WDR86: variants seen among roughly 807,000 people sequenced by gnomAD.
The protein encoded by WDR86 is WD repeat domain 86.
In WDR86, 30 loss-of-function variants were observed where a neutral mutation model predicts 36.5. The ratio of observed to expected loss-of-function variants is 0.82; its 90% CI spans 0.61 to 1.11. The LOEUF (loss-of-function observed/expected upper bound fraction) is 1.11, where lower values mean the gene tolerates loss of function less well. Among genes scored for constraint, WDR86 ranks in the 50% most tolerant of loss-of-function variants. The pLI is 0.00. For missense variants in WDR86, 545 were observed against 561.2 expected, an observed-to-expected ratio of 0.97 and a Z score of 0.29; for synonymous variants, 255 against 252.9, an observed-to-expected ratio of 1.01 and a Z score of -0.08.
intron 3 of WDR86, among the ~76,000 whole-genome samples, chr7:151,385,661 G>A (rs922288522): frequency 6.6e-6 from 1 of 152,204 alleles, no homozygotes; most frequent in Admixed American, 6.5e-5. Flanking sequence ...CCTGAGCGAG[G>A]GTGTGAGGCA....
chr7:151,397,482 G>A (rs1233806392), intron 2 of WDR86, among the ~76,000 whole-genome samples: 2 of 152,216 alleles, frequency 1.3e-5, no homozygotes, highest in African/African-American at 4.8e-5. Context: ...GGAGCGCAGT[G>A]GCACGATCTC....
downstream of WDR86, chr7:151,374,056 C>T (rs1563030691): frequency 1.8e-5 from 27 of 1,524,076 alleles, no homozygotes; most frequent in Non-Finnish European, 2.2e-5. Context: ...TGTGAAATCT[C>T]AGTCCCTAAC....
Position 151,409,243 on chromosome 7 carries a change from A to ACCCAG in WDR86, c.163+183_163+184insCTGGG. 2.8e-6 allele frequency: 3 copies of ACCCAG among 1,064,878 alleles called. No homozygotes were observed. Among genetic ancestry groups the ACCCAG allele is most frequent in the Non-Finnish European group, 2.7e-6 (2 of 734,876 alleles). 66.0% of individuals were successfully genotyped at this position (1,064,878 alleles called of 1,614,324 possible). On this transcript the variant is annotated intron_variant, in intron 1 of 5. Transcript: ENST00000334493. This position sits in a 1 kb window ranked among gnomAD's most constrained non-coding sequence, Gnocchi z 5.2. ...CACCCGCACCCCACCCCCAGACCTC[A>ACCCAG]CCCTGCCCTGCCGTGCGCTCAACAG...
downstream of WDR86, among the ~76,000 whole-genome samples, chr7:151,372,019 A>C (rs959893440): frequency 3.3e-5 from 5 of 152,188 alleles, no homozygotes; most frequent in African/African-American, 1.2e-4. Context: ...TTAATACATA[A>C]TTATTAAAAG....
chr7:151,402,423 C>T (rs927584342), intron 1 of WDR86, among the ~76,000 whole-genome samples: 9 of 152,266 alleles, frequency 5.9e-5, no homozygotes, highest in Non-Finnish European at 1.0e-4. Context: ...TGAAACACAG[C>T]CTTGCCCTCC....
downstream of WDR86, chr7:151,377,191 T>C (rs979891530): frequency 1.9e-6 from 3 of 1,568,004 alleles, no homozygotes; most frequent in African/African-American, 1.4e-5. Context: ...CTATCCTATG[T>C]AGAAAATAGG....
rs1394060017 is a variant in WDR86 at position 151,390,932 on chromosome 7, G to A, written c.726+4844C>T. ...TTAATGGGGACAGAGTTCTGATTTG[G>A]GCTGATGGAAAAGTCTGGAAATCAT... On this transcript the variant is annotated intron_variant, in intron 3 of 5. Transcript: ENST00000334493. The surrounding 1 kb of genome is among the most constrained non-coding windows in gnomAD (Gnocchi z 4.5). Among the ~76,000 whole-genome samples, 3 of 152,238 alleles carry A rather than the reference G, an allele frequency of 2.0e-5. No homozygotes were observed. The South Asian group carries it at 6.2e-4, about 31-fold the overall frequency.
In WDR86 at chr7:151,381,192, C is replaced by A; in HGVS notation, c.*390G>T. On this transcript the variant is annotated 3_prime_UTR_variant, in exon 6 of 6. Coordinates refer to ENST00000334493, the MANE Select transcript of WDR86 (RefSeq NM_198285.3). This position sits in a 1 kb window ranked among gnomAD's most constrained non-coding sequence, Gnocchi z 4.8. ...CGAGACGGACGATTTGCCAAAATAA[C>A]CAGGTTCAGTGGCTTCTGTAAAAAG... The A allele has an allele frequency of 8.0e-7, 1 of 1,253,636 alleles. No individual in the cohort carries two copies. The allele number at this position is 1,253,636 out of a possible 1,614,324, so 77.7% of individuals were successfully genotyped here. A position where few individuals can be genotyped will look rare whatever the true frequency, so the allele number is the denominator to read the frequency against.
In WDR86 at chr7:151,381,460, GC is replaced by G. The variant is rs1313948605; in HGVS notation, c.*121del. On this transcript the variant is annotated 3_prime_UTR_variant, in exon 6 of 6. Transcript: ENST00000334493. This position sits in a 1 kb window ranked among gnomAD's most constrained non-coding sequence, Gnocchi z 4.8. Reference sequence around the variant, plus strand: ...GACGCCTGCGACGGGCTCTCCTCCCGCCCGGGCTTCCTCGCTCCTCGCCCCT... The same window carrying G: ...GACGCCTGCGACGGGCTCTCCTCCCGCCGGGCTTCCTCGCTCCTCGCCCCT... 6.7e-7 allele frequency: 1 copy of G among 1,489,246 alleles called. No individual in the cohort carries two copies. The highest frequency in any genetic ancestry group is 2.3e-5 in the Admixed American group (1 of 44,202). 92.3% of individuals were successfully genotyped at this position (1,489,246 alleles called of 1,614,324 possible).
chr7:151,408,002 T>C lies in WDR86; in HGVS notation c.163+1425A>G, dbSNP rs527806610. Among the ~76,000 whole-genome samples the C allele has an allele frequency of 5.3e-5, 8 of 152,098 alleles. No homozygotes were observed. In the South Asian group the frequency reaches 1.2e-3, roughly 24 times the overall value. On this transcript the variant is annotated intron_variant, in intron 1 of 5. Coordinates refer to ENST00000334493, the MANE Select transcript of WDR86 (RefSeq NM_198285.3). Reference sequence around the variant, plus strand: ...GGAGCAATACCAACTGGACTTAACATTTCTAAAAGACCTCATATTTTCCAT... The same window carrying C: ...GGAGCAATACCAACTGGACTTAACACTTCTAAAAGACCTCATATTTTCCAT...
At chr7:151,370,504 TTTA>T in the WDR86 span, among the ~76,000 whole-genome samples, 6 of 152,236 alleles carry the variant, frequency 3.9e-5, 1 homozygote, top group Middle Eastern at 3.4e-3. Flanking sequence ...CCAGTAAGAA[TTTA>T]TTATTTTTAT....
downstream of WDR86, chr7:151,376,746 C>T (rs570959192): frequency 1.1e-5 from 18 of 1,598,942 alleles, no homozygotes; most frequent in Non-Finnish European, 1.5e-5. Context: ...AGCCTGCCTC[C>T]CGAGCTGCCG....
At chr7:151,393,568 C>G (rs934306806) in intron 3 of WDR86, among the ~76,000 whole-genome samples, 1 of 152,186 alleles carries the variant, frequency 6.6e-6, no homozygotes, top group African/African-American at 2.4e-5. Flanking sequence ...GCTGGTTCCT[C>G]TTTCACTGGT....
Position 151,385,095 on chromosome 7 carries a change from C to T in WDR86, c.855G>A (p.Ala285=), listed in dbSNP as rs202101613. The stretch of plus-strand genomic sequence containing the variant: ...CAGGGCCAAGTCACTTACAGGTGCC[C>T]GCGTGGTACTTGAGGGCGCTCACGT... ...RRNVSALKYH[A]GTLFTGSGDA... is the part of the protein sequence containing the mutation. The change falls in exon 4 of 6, where the codon GCG becomes GCA. Residue 285 remains alanine, a synonymous_variant. Transcript: ENST00000334493. 1.8e-5 allele frequency: 29 copies of T among 1,602,180 alleles called. 1 individual carries two copies. Among genetic ancestry groups the T allele is most frequent in the Middle Eastern group, 2.1e-4 (1 of 4,784 alleles).
At chr7:151,377,147 T>A, downstream of WDR86, 1 of 1,590,010 alleles carries the variant, frequency 6.3e-7, no homozygotes, top group Non-Finnish European at 8.6e-7. Context: ...TTGACTCAAC[T>A]CTGGAAGATG....
chr7:151,399,826 C>T (rs769997711), intron 2 of WDR86, among the ~76,000 whole-genome samples: 7 of 152,250 alleles, frequency 4.6e-5, no homozygotes, highest in Non-Finnish European at 7.3e-5. Context: ...CTGCACCCAG[C>T]GGGGAGCCAC....
rs149227188 is a variant in WDR86 at position 151,404,931 on chromosome 7, C to T, written c.163+4496G>A. Among the ~76,000 whole-genome samples the T allele has an allele frequency of 1.1e-3, 161 of 152,304 alleles. 1 individual carries two copies. In the East Asian group the frequency reaches 0.026, roughly 24 times the overall value. On this transcript the variant is annotated intron_variant, in intron 1 of 5. Coordinates refer to ENST00000334493, the MANE Select transcript of WDR86 (RefSeq NM_198285.3). The stretch of plus-strand genomic sequence containing the variant: ...TGGTGCCCCTGACTTGCGTGGAAGC[C>T]GTGTCTCCCTTCCCTGTGTCCCAGC...
At chr7:151,380,882 C>T (rs979122748), downstream of WDR86, among the ~76,000 whole-genome samples, 4 of 151,590 alleles carry the variant, frequency 2.6e-5, no homozygotes, top group Admixed American at 6.6e-5. Context: ...GCAGGGTCCC[C>T]GCTGTCACCT....
intron 1 of WDR86, among the ~76,000 whole-genome samples, chr7:151,403,536 C>T (rs1030596685): frequency 2.0e-5 from 3 of 152,078 alleles, no homozygotes; most frequent in South Asian, 2.1e-4. Context: ...CTTGGAAAAA[C>T]GCAACTTCCT....
Sources: gnomAD v4.1 joint callset for allele counts (sites outside exome capture counted in the v4.1 genomes callset) on GRCh38, gnomAD v4.1.1 for gene constraint, Gnocchi (gnomAD v3.1) non-coding constraint, MANE v1.5 for transcripts, NCBI Gene and HGNC (gene_info 2026-07-23, HGNC 2026-07-21) for gene names.